Variants in PLD1 observed in about 807,000 individuals in gnomAD.
PLD1 encodes the protein phospholipase D1.
In PLD1, 112 loss-of-function variants were observed where a neutral mutation model predicts 137.1. The ratio of observed to expected loss-of-function variants is 0.82; its 90% CI spans 0.70 to 0.96. The LOEUF is 0.96. Ranked by LOEUF, PLD1 falls within the 40% of genes least tolerant of loss-of-function variation. The pLI is 0.00. For synonymous variants in PLD1, 431 were observed against 454.7 expected, an observed-to-expected ratio of 0.95 and a Z score of 0.66; for missense variants, 1,321 against 1,342.0, an observed-to-expected ratio of 0.98 and a Z score of 0.24.
At chr3:171,711,167 C>CTTTTTT (rs562934959) in intron 9 of PLD1, among the ~76,000 whole-genome samples, 1 of 94,808 alleles carries the variant, frequency 1.1e-5, no homozygotes, top group Non-Finnish European at 2.0e-5. Flanking sequence ...CTGTGCCAGC[C>CTTTTTT]TTTTTTTTTT....
intron 10 of PLD1, 148 bp from the exon 11 acceptor site, chr3:171,708,986 G>T: frequency 1.7e-6 from 1 of 589,926 alleles, no homozygotes; most frequent in South Asian, 2.2e-5. Flanking sequence ...GGAAAACAAG[G>T]ATTGAAAATA....
intron 1 of PLD1, among the ~76,000 whole-genome samples, chr3:171,775,093 T>G (rs964549644): frequency 2.0e-5 from 3 of 152,166 alleles, no homozygotes; most frequent in African/African-American, 7.2e-5. Flanking sequence ...TCAGACAGAA[T>G]TCAGGCTGTT....
chr3:171,684,580 TTTTCAAAAATTTAAAA>T (rs1267571437), intron 16 of PLD1, among the ~76,000 whole-genome samples: 1 of 152,152 alleles, frequency 6.6e-6, no homozygotes, highest in Non-Finnish European at 1.5e-5. Context: ...CCATTTTTAT[TTTTCAAAAATTTAAAA>T]ATTGTTTTTG....
chr3:171,622,976 G>A (rs1031403906), intron 23 of PLD1, among the ~76,000 whole-genome samples: 1 of 151,826 alleles, frequency 6.6e-6, no homozygotes, highest in Non-Finnish European at 1.5e-5. Flanking sequence ...TAAACTTAAT[G>A]GTTCACGTGC....
intron 1 of PLD1, among the ~76,000 whole-genome samples, chr3:171,790,965 C>T (rs531230639): frequency 1.6e-4 from 25 of 152,280 alleles, no homozygotes; most frequent in South Asian, 4.1e-4. Flanking sequence ...TAAGTTGCTA[C>T]GTTATCAGGA....
intron 20 of PLD1, among the ~76,000 whole-genome samples, chr3:171,659,915 T>C (rs925051272): frequency 6.6e-6 from 1 of 152,250 alleles, no homozygotes; most frequent in African/African-American, 2.4e-5. Context: ...TTTTTTCCTC[T>C]AAGTACTTCT....
At chr3:171,672,856 A>G (rs1397842622) in intron 19 of PLD1, among the ~76,000 whole-genome samples, 1 of 152,240 alleles carries the variant, frequency 6.6e-6, no homozygotes, top group Non-Finnish European at 1.5e-5. Flanking sequence ...TAGAGTCTCT[A>G]TTGACCTCAC....
intron 8 of PLD1, among the ~76,000 whole-genome samples, chr3:171,722,464 C>G (rs887906485): frequency 1.3e-5 from 2 of 152,120 alleles, no homozygotes; most frequent in African/African-American, 4.8e-5. Context: ...ATACCAGTAT[C>G]AAATTAGTAG....
chr3:171,624,853 C>G (rs1174743479), intron 23 of PLD1, among the ~76,000 whole-genome samples: 1 of 151,962 alleles, frequency 6.6e-6, no homozygotes, highest in East Asian at 1.9e-4. Flanking sequence ...ACTATCTGAG[C>G]ATTTTTCCAA....
At chr3:171,800,857 C>A (rs1723615870) in intron 1 of PLD1, among the ~76,000 whole-genome samples, 1 of 152,148 alleles carries the variant, frequency 6.6e-6, no homozygotes, top group Non-Finnish European at 1.5e-5. Context: ...CCCTCTCTGG[C>A]CTCTTTTATA....
At chr3:171,718,934 G>A (rs16856586) in intron 8 of PLD1, among the ~76,000 whole-genome samples, 48,421 of 151,864 alleles carry the variant, frequency 0.32, 8,275 homozygotes, top group African/African-American at 0.39. Context: ...TGAGATTACC[G>A]TCTGTTTTAA....
intron 8 of PLD1, among the ~76,000 whole-genome samples, chr3:171,718,185 T>G (rs1717818499): frequency 6.6e-6 from 1 of 152,116 alleles, no homozygotes; most frequent in African/African-American, 2.4e-5. Flanking sequence ...TCTATGCACA[T>G]AAACTAGAAA....
chr3:171,764,534 C>G (rs1721673145), intron 1 of PLD1, among the ~76,000 whole-genome samples: 1 of 152,050 alleles, frequency 6.6e-6, no homozygotes, highest in African/African-American at 2.4e-5. Context: ...AACACACTCA[C>G]ATTAATGAGT....
Position 171,677,712 on chromosome 3 carries a change from C to A in PLD1, c.1868-18G>T, listed in dbSNP as rs201447146. On this transcript the variant is annotated intron_variant, in intron 16 of 26. Coordinates refer to ENST00000351298, the MANE Select transcript of PLD1 (RefSeq NM_002662.5). ...CCCGGTATCTGTGAATGCAGCAAGA[C>A]CCCCTCAGAGACTGTGGTTCAGGTG... 204 of 1,612,328 alleles carry A rather than the reference C, an allele frequency of 1.3e-4. 1 individual carries two copies. In the East Asian group the frequency reaches 2.8e-3, roughly 22 times the overall value.
chr3:171,674,594 C>G lies in PLD1; in HGVS notation c.2135G>C (p.Arg712Pro). 13 of 1,580,898 alleles carry G rather than the reference C, an allele frequency of 8.2e-6. No individual in the cohort carries two copies. Among genetic ancestry groups the G allele is most frequent in the Non-Finnish European group, 1.1e-5 (13 of 1,151,988 alleles). ...AAGCAGAAAAGGATAAGAAAGGGAC[C>G]GATATTTTGATTTCATAATCTAAAA... Reference protein sequence around the residue: ...NFTKIMKSKYRSLSYPFLLPK... With the variant: ...NFTKIMKSKYPSLSYPFLLPK... Residue 712 changes from arginine to proline, a missense_variant, in exon 19 of 27, where the codon CGG becomes CCG. Coordinates refer to ENST00000351298, the MANE Select transcript of PLD1 (RefSeq NM_002662.5).
Position 171,612,459 on chromosome 3 carries a change from C to T in PLD1, c.2729-27G>A. 1.2e-6 allele frequency: 2 copies of T among 1,610,282 alleles called. No individual in the cohort carries two copies. Among genetic ancestry groups the T allele is most frequent in the Non-Finnish European group, 1.7e-6 (2 of 1,176,914 alleles). On this transcript the variant is annotated intron_variant, in intron 24 of 26. Coordinates refer to ENST00000351298, the MANE Select transcript of PLD1 (RefSeq NM_002662.5). The surrounding 1 kb of genome is among the most constrained non-coding windows in gnomAD (Gnocchi z 4.1). ...TGTAAGGAGAAACAGTGAGGCTGAA[C>T]AACCTTCCTGTTGTGGCAGACACTG... is the stretch of plus-strand genomic sequence containing the variant.
intron 1 of PLD1, among the ~76,000 whole-genome samples, chr3:171,796,909 A>G (rs1723459303): frequency 6.6e-6 from 1 of 152,108 alleles, no homozygotes; most frequent in Admixed American, 6.5e-5. Flanking sequence ...TGATTCTCCC[A>G]AAATCACTCT....
At chr3:171,642,074 C>T (rs1469139101) in intron 23 of PLD1, among the ~76,000 whole-genome samples, 1 of 152,032 alleles carries the variant, frequency 6.6e-6, no homozygotes, top group East Asian at 1.9e-4. Flanking sequence ...CCACTATATG[C>T]TGAACCCATA....
rs71178231 is a variant in PLD1, at chr3:171,635,965, C to CT, written c.2593+6874dup. On this transcript the variant is annotated intron_variant, in intron 23 of 26. Coordinates refer to ENST00000351298, the MANE Select transcript of PLD1 (RefSeq NM_002662.5). The stretch of plus-strand genomic sequence containing the variant: ...ATGGTATGAGGTAGGGGTTCAACTT[C>CT]TTTTTTTTTTTTTTTTTTTTTTTTT... Among the ~76,000 whole-genome samples the CT allele has an allele frequency of 6.4e-3, 314 of 49,260 alleles. 40 individuals are homozygous for CT. Among genetic ancestry groups the CT allele is most frequent in the Non-Finnish European group, 7.4e-3 (168 of 22,584 alleles). 32.3% of individuals were successfully genotyped at this position (49,260 alleles called of 152,430 possible).
Sources: allele counts gnomAD v4.1 joint callset (sites outside exome capture counted in the v4.1 genomes callset), GRCh38; gene constraint gnomAD v4.1.1; non-coding constraint Gnocchi (gnomAD v3.1); transcripts MANE v1.5; gene names NCBI Gene and HGNC (gene_info 2026-07-23, HGNC 2026-07-21).